Variants in LNPK observed in about 807,000 individuals in gnomAD.
LNPK encodes the protein endoplasmic reticulum junction formation protein lunapark.
LNPK carries 29 observed loss-of-function variants against 55.2 expected under a neutral mutation model. The ratio of observed to expected loss-of-function variants is 0.53; its 90% CI spans 0.39 to 0.72. The LOEUF (loss-of-function observed/expected upper bound fraction) is 0.72, where lower values mean the gene tolerates loss of function less well. LNPK is among the 30% of genes least tolerant of loss of function. The pLI is 0.00. For synonymous variants in LNPK, 162 were observed against 168.2 expected (o/e 0.96, Z 0.29); for missense variants, 467 against 494.8 (o/e 0.94, Z 0.53).
rs550513152 is a variant in LNPK, at chr2:175,938,044, G to C, written c.883+269C>G. Reference sequence around the variant, plus strand: ...CATTAAAGGAGACTCTTTGTAAATGGGTCCTGGGTATCATAATTATTTTAA... The same window carrying C: ...CATTAAAGGAGACTCTTTGTAAATGCGTCCTGGGTATCATAATTATTTTAA... On this transcript the variant is annotated intron_variant, in intron 11 of 12. Transcript: ENST00000272748. 1.4e-3 allele frequency among the ~76,000 whole-genome samples: 214 copies of C among 152,234 alleles called. 1 individual carries two copies. The highest frequency in any genetic ancestry group is 4.9e-3 in the African/African-American group (202 of 41,544).
intron 4 of LNPK, among the ~76,000 whole-genome samples, chr2:175,982,175 A>C (rs1184712038): frequency 6.8e-6 from 1 of 147,206 alleles, no homozygotes; most frequent in African/African-American, 2.6e-5. Context: ...TCCAGTGCAA[A>C]CCCACTGAAA....
chr2:175,960,324 G>A (rs964820528), intron 8 of LNPK, among the ~76,000 whole-genome samples: 1 of 152,122 alleles, frequency 6.6e-6, no homozygotes, highest in African/African-American at 2.4e-5. Flanking sequence ...GCACTCCTCA[G>A]CAAATGTAAA....
Position 175,959,143 on chromosome 2 carries a change from T to G in LNPK, c.493+5229A>C, listed in dbSNP as rs542484411. Among the ~76,000 whole-genome samples, 863 of 152,234 alleles carry G rather than the reference T, an allele frequency of 5.7e-3. 9 individuals carry two copies. The highest frequency in any genetic ancestry group is 0.02 in the African/African-American group (812 of 41,526). ...ATGGAACCAAGCTGGAAAACACTCT[T>G]CAGGATATTATCCAGGAGAACTTTC... On this transcript the variant is annotated intron_variant, in intron 8 of 12. Transcript: ENST00000272748.
intron 9 of LNPK, among the ~76,000 whole-genome samples, chr2:175,943,386 G>A (rs1338784037): frequency 6.6e-6 from 1 of 151,706 alleles, no homozygotes; most frequent in East Asian, 1.9e-4. Flanking sequence ...TACTCATAAC[G>A]TTATGAAATG....
rs1684162016 is a variant in LNPK at position 175,929,526 on chromosome 2, TA to T, written c.*440del. On this transcript the variant is annotated 3_prime_UTR_variant, in exon 13 of 13. Coordinates refer to ENST00000272748, the MANE Select transcript of LNPK (RefSeq NM_030650.3). Reference sequence around the variant, plus strand: ...TCCCAGTTGTAAATATCTCAGGAGCTAAAATTCTATCAATTTTTAATAATGA... The same window carrying T: ...TCCCAGTTGTAAATATCTCAGGAGCTAAATTCTATCAATTTTTAATAATGA... 2 of 994,136 alleles carry T rather than the reference TA, an allele frequency of 2.0e-6. No individual in the cohort carries two copies. The highest frequency in any genetic ancestry group is 2.4e-6 in the Non-Finnish European group (2 of 835,198). 61.6% of individuals were successfully genotyped at this position (994,136 alleles called of 1,614,324 possible).
At chr2:175,970,932 G>T (rs1686630041) in intron 5 of LNPK, 128 bp from the exon 6 acceptor site, 4 of 744,572 alleles carry the variant, frequency 5.4e-6, no homozygotes, top group Non-Finnish European at 7.8e-6. Flanking sequence ...TAACTGATGT[G>T]TAGAGACAAA....
chr2:175,929,933 T>C lies in LNPK; in HGVS notation c.*34A>G, dbSNP rs1684182666. Reference sequence around the variant, plus strand: ...GCAATAACTGACATCAGTAAGACTATAAATATCCAGTTGAAGGCACGTGGA... The same window carrying C: ...GCAATAACTGACATCAGTAAGACTACAAATATCCAGTTGAAGGCACGTGGA... On this transcript the variant is annotated 3_prime_UTR_variant, in exon 13 of 13. Coordinates refer to ENST00000272748, the MANE Select transcript of LNPK (RefSeq NM_030650.3). 1.2e-6 allele frequency: 2 copies of C among 1,612,276 alleles called. No homozygotes were observed. Among genetic ancestry groups the C allele is most frequent in the Admixed American group, 1.7e-5 (1 of 59,826 alleles).
At chr2:175,940,340 G>A (rs1173553526) in intron 9 of LNPK, among the ~76,000 whole-genome samples, 1 of 151,830 alleles carries the variant, frequency 6.6e-6, no homozygotes, top group African/African-American at 2.4e-5. Context: ...AGAAGGCACA[G>A]AGAAAGAACA....
rs1006998797 is a variant in LNPK, at chr2:175,939,024, T to A, written c.812+528A>T. On this transcript the variant is annotated intron_variant, in intron 10 of 12. Coordinates refer to ENST00000272748, the MANE Select transcript of LNPK (RefSeq NM_030650.3). ...AACACTAAATTCTCATTCCTTTTTT[T>A]AAATAATATTAATTAGGAGCGCTGT... Among the ~76,000 whole-genome samples the A allele has an allele frequency of 6.6e-5, 10 of 152,228 alleles. No homozygotes were observed. In the East Asian group the frequency reaches 1.3e-3, roughly 21 times the overall value.
intron 11 of LNPK, chr2:175,937,865 AT>A (rs1223721146): frequency 1.1e-5 from 2 of 184,390 alleles, no homozygotes; most frequent in East Asian, 2.9e-4. Context: ...GTATTTTAAA[AT>A]CCAGAAGCTT....
At chr2:175,953,979 T>C (rs1325679335) in intron 8 of LNPK, among the ~76,000 whole-genome samples, 1 of 152,122 alleles carries the variant, frequency 6.6e-6, no homozygotes. Flanking sequence ...ATATTTGTAG[T>C]GCCTCGAGGT....
rs1684517392 is a variant in LNPK at position 175,935,805 on chromosome 2, A to AAGGAT, written c.1054+1534_1054+1538dup. 6.3e-6 allele frequency: 5 copies of AAGGAT among 789,186 alleles called. No individual in the cohort carries two copies. The South Asian group carries it at 2.3e-4, about 36-fold the overall frequency. The allele number at this position is 789,186 out of a possible 1,614,324, so 48.9% of individuals were successfully genotyped here. On this transcript the variant is annotated intron_variant, in intron 12 of 12. Transcript: ENST00000272748. Reference sequence around the variant, plus strand: ...TATTGCTCCTCCTAGATTAGATGAGAAGGATAGGTATAGCTGGGTGTTGTT... The same window carrying AAGGAT: ...TATTGCTCCTCCTAGATTAGATGAGAAGGATAGGATAGGTATAGCTGGGTGTTGTT...
intron 8 of LNPK, among the ~76,000 whole-genome samples, chr2:175,963,679 T>C (rs983805839): frequency 1.3e-5 from 2 of 151,804 alleles, no homozygotes; most frequent in Admixed American, 6.6e-5. Flanking sequence ...ATTGTGTACA[T>C]GTACCCTAAA....
At chr2:176,002,564 G>A (rs568471544), upstream of LNPK, 23 of 203,522 alleles carry the variant, frequency 1.1e-4, no homozygotes, top group African/African-American at 5.3e-4. Context: ...TCTCGCTGGA[G>A]AAGGAAACCC....
intron 6 of LNPK, among the ~76,000 whole-genome samples, chr2:175,969,026 GA>G (rs1027732320): frequency 2.7e-4 from 35 of 129,174 alleles, no homozygotes; most frequent in South Asian, 1.0e-3. Flanking sequence ...CTCAAAAAAA[GA>G]AAAAAAAAAA....
chr2:175,982,328 C>T (rs565733795), intron 4 of LNPK, among the ~76,000 whole-genome samples: 3 of 152,114 alleles, frequency 2.0e-5, no homozygotes, highest in South Asian at 2.1e-4. Context: ...TTTTAAAAAG[C>T]ATATATAATT....
chr2:175,952,436 T>C (rs1172638106), intron 8 of LNPK, among the ~76,000 whole-genome samples: 1 of 151,992 alleles, frequency 6.6e-6, no homozygotes, highest in East Asian at 1.9e-4. Context: ...TTGTTTTCAG[T>C]TCTGTATTTT....
chr2:175,938,571 T>C lies in LNPK; in HGVS notation c.813-188A>G, dbSNP rs1684664410. The C allele has an allele frequency of 1.0e-5, 4 of 386,748 alleles. No individual in the cohort carries two copies. The South Asian group carries it at 3.2e-4, about 31-fold the overall frequency. 24.0% of individuals were successfully genotyped at this position (386,748 alleles called of 1,614,324 possible). On this transcript the variant is annotated intron_variant, in intron 10 of 12. Transcript: ENST00000272748. ...AAGCCAAAATTAACCAAAGCCCAAA[T>C]TTCAAGCATTTAAAAATATAATTTA...
chr2:175,926,327 C>T lies in LNPK; in HGVS notation c.*3640G>A, dbSNP rs1012978086. On this transcript the variant is annotated 3_prime_UTR_variant, in exon 13 of 13. Coordinates refer to ENST00000272748, the MANE Select transcript of LNPK (RefSeq NM_030650.3). ...TGAAGCCCTCATGAATGGATTAATG[C>T]TCATTATAAAAGAGCTTGAGGTTGC... 1 of 152,146 alleles carries T rather than the reference C, an allele frequency of 6.6e-6. No homozygotes were observed. Among genetic ancestry groups the T allele is most frequent in the Admixed American group, 6.5e-5 (1 of 15,272 alleles). The allele number at this position is 152,146 out of a possible 1,614,324, so 9.4% of individuals were successfully genotyped here.
Sources: allele counts gnomAD v4.1 joint callset (sites outside exome capture counted in the v4.1 genomes callset), GRCh38; gene constraint gnomAD v4.1.1; transcripts MANE v1.5; gene names NCBI Gene and HGNC (gene_info 2026-07-23, HGNC 2026-07-21).